ZBTB44: variants seen among roughly 807,000 people sequenced by gnomAD.
The protein encoded by ZBTB44 is zinc finger and BTB domain-containing protein 44.
ZBTB44 carries 15 observed loss-of-function variants against 54.0 expected under a neutral mutation model. That is an observed-to-expected ratio of 0.28 (90% confidence interval 0.19 to 0.43). The LOEUF (loss-of-function observed/expected upper bound fraction) is 0.43, where lower values mean the gene tolerates loss of function less well. Ranked by LOEUF, ZBTB44 falls within the 20% of genes least tolerant of loss-of-function variation. ZBTB44 has a pLI of 1.00. For missense variants in ZBTB44, 487 were observed against 707.1 expected, an observed-to-expected ratio of 0.69 and a Z score of 3.53; for synonymous variants, 230 against 250.1, an observed-to-expected ratio of 0.92 and a Z score of 0.76.
chr11:130,304,152 G>A (rs530204061), intron 1 of ZBTB44, among the ~76,000 whole-genome samples: 12 of 152,212 alleles, frequency 7.9e-5, no homozygotes, highest in African/African-American at 2.9e-4. Flanking sequence ...TTAAAATGGG[G>A]TGAAGTATTT....
intron 1 of ZBTB44, among the ~76,000 whole-genome samples, chr11:130,263,295 A>AG (rs1042190288): frequency 1.3e-5 from 2 of 152,224 alleles, no homozygotes; most frequent in Admixed American, 1.3e-4. Context: ...CTAGACAGCC[A>AG]GGGACTGGTC....
At chr11:130,251,189 A>G (rs1937971864) in intron 2 of ZBTB44, among the ~76,000 whole-genome samples, 1 of 152,226 alleles carries the variant, frequency 6.6e-6, no homozygotes, top group Non-Finnish European at 1.5e-5. Context: ...CGGAAGAAAG[A>G]TAACAGAGAA....
At chr11:130,296,172 C>A (rs1941629937) in intron 1 of ZBTB44, 3 of 1,360,504 alleles carry the variant, frequency 2.2e-6, no homozygotes, top group Admixed American at 1.8e-5. Context: ...TGAAGGTTGG[C>A]AAGGATTTCT....
chr11:130,291,297 C>T (rs1402186868), intron 1 of ZBTB44, among the ~76,000 whole-genome samples: 1 of 152,084 alleles, frequency 6.6e-6, no homozygotes. Context: ...TGCCACCATA[C>T]CCAGCTAATT....
At chr11:130,236,469 A>G (rs2136274959) in intron 5 of ZBTB44, among the ~76,000 whole-genome samples, 1 of 152,338 alleles carries the variant, frequency 6.6e-6, no homozygotes, top group South Asian at 2.1e-4. Context: ...ACATGGTAAA[A>G]TTTCCAGTAA....
intron 1 of ZBTB44, among the ~76,000 whole-genome samples, chr11:130,313,964 A>ATTTT (rs1234089945): frequency 2.0e-5 from 2 of 98,998 alleles, no homozygotes; most frequent in African/African-American, 7.2e-5. Context: ...ATATATATAT[A>ATTTT]TATTTTTTTA....
At chr11:130,286,666 G>A (rs1940985302) in intron 1 of ZBTB44, among the ~76,000 whole-genome samples, 4 of 152,234 alleles carry the variant, frequency 2.6e-5, no homozygotes, top group African/African-American at 9.6e-5. Flanking sequence ...TAGGCTTTGA[G>A]TATTTCACAT....
chr11:130,300,358 AT>A (rs1565335874), intron 1 of ZBTB44, among the ~76,000 whole-genome samples: 1 of 152,216 alleles, frequency 6.6e-6, no homozygotes, highest in African/African-American at 2.4e-5. Context: ...ACACAAATCA[AT>A]GGTCTATGTG....
intron 1 of ZBTB44, among the ~76,000 whole-genome samples, chr11:130,282,426 C>G (rs1156952568): frequency 6.6e-6 from 1 of 152,190 alleles, no homozygotes. Flanking sequence ...TTTCACATAG[C>G]GAAGTGTTCT....
intron 1 of ZBTB44, among the ~76,000 whole-genome samples, chr11:130,310,807 A>G (rs906400335): frequency 2.6e-5 from 4 of 152,026 alleles, no homozygotes; most frequent in Non-Finnish European, 5.9e-5. Context: ...CAATGGCGCA[A>G]TCTTGGCTCA....
rs759849637 is a variant in ZBTB44, at chr11:130,305,571, T to C, written c.-57+8804A>G. The stretch of plus-strand genomic sequence containing the variant: ...CAAGCCACATGTAGAAGAATGAAAC[T>C]GGATCTTTATCTTTCATCTTACACA... On this transcript the variant is annotated intron_variant, in intron 1 of 7. Transcript: ENST00000357899. Among the ~76,000 whole-genome samples, 164 of 152,220 alleles carry C rather than the reference T, an allele frequency of 1.1e-3. 2 individuals are homozygous for C. Among genetic ancestry groups the C allele is most frequent in the Non-Finnish European group, 5.1e-4 (35 of 68,040 alleles).
At chr11:130,252,643 G>A (rs1376796745) in intron 2 of ZBTB44, among the ~76,000 whole-genome samples, 1 of 152,040 alleles carries the variant, frequency 6.6e-6, no homozygotes, top group African/African-American at 2.4e-5. Context: ...GAGGTACAAA[G>A]AGGAGCTGGT....
intron 2 of ZBTB44, among the ~76,000 whole-genome samples, chr11:130,242,855 T>C (rs1185325420): frequency 6.6e-6 from 1 of 152,232 alleles, no homozygotes; most frequent in African/African-American, 2.4e-5. Context: ...TCTTTAGAGC[T>C]TCCATCAAAC....
At chr11:130,298,889 G>A (rs2134432737) in intron 1 of ZBTB44, among the ~76,000 whole-genome samples, 1 of 151,694 alleles carries the variant, frequency 6.6e-6, no homozygotes, top group African/African-American at 2.4e-5. Context: ...AAGATCTGCA[G>A]CTTGGGAAAC....
At chr11:130,267,261 C>T (rs572838985) in intron 1 of ZBTB44, among the ~76,000 whole-genome samples, 140 of 152,142 alleles carry the variant, frequency 9.2e-4, no homozygotes, top group African/African-American at 3.3e-3. Flanking sequence ...GAGACCCTGC[C>T]TCTAAAACAA....
intron 1 of ZBTB44, among the ~76,000 whole-genome samples, chr11:130,311,543 T>C (rs1942605770): frequency 6.6e-6 from 1 of 152,202 alleles, no homozygotes; most frequent in Non-Finnish European, 1.5e-5. Context: ...AAGATTTTCA[T>C]TTAAGACAAG....
chr11:130,243,322 T>C (rs1275431604), intron 2 of ZBTB44, among the ~76,000 whole-genome samples: 2 of 152,234 alleles, frequency 1.3e-5, no homozygotes, highest in East Asian at 3.8e-4. Context: ...TGAAAATTAT[T>C]TGTAGGAAAT....
chr11:130,293,471 C>CAA (rs1197563571), intron 1 of ZBTB44, among the ~76,000 whole-genome samples: 1,570 of 78,568 alleles, frequency 0.02, 49 homozygotes, highest in African/African-American at 0.068. Flanking sequence ...GATCTTGTAT[C>CAA]AAAAAAAAAA....
chr11:130,312,015 C>T (rs1463693282), intron 1 of ZBTB44, among the ~76,000 whole-genome samples: 1 of 152,066 alleles, frequency 6.6e-6, no homozygotes, highest in African/African-American at 2.4e-5. Context: ...ATCATTCACC[C>T]CTGCCCCAAA....
Sources: gnomAD v4.1 joint callset for allele counts (sites outside exome capture counted in the v4.1 genomes callset) on GRCh38, gnomAD v4.1.1 for gene constraint, MANE v1.5 for transcripts, NCBI Gene and HGNC (gene_info 2026-07-23, HGNC 2026-07-21) for gene names.